Variants in PTPRM observed in about 807,000 individuals in gnomAD.
PTPRM encodes protein tyrosine phosphatase receptor type M, also known as receptor-type tyrosine-protein phosphatase mu.
Under a neutral mutation model 186.7 loss-of-function variants are expected in PTPRM, and 47 were observed. The observed-to-expected ratio is 0.25, with a 90% CI of 0.20 to 0.32. The LOEUF is 0.32. Ranked by LOEUF, PTPRM falls within the 10% of genes least tolerant of loss-of-function variation. PTPRM has a pLI of 1.00. For synonymous variants in PTPRM, 668 were observed against 674.9 expected (o/e 0.99, Z 0.16); for missense variants, 1,494 against 1,865.0 (o/e 0.80, Z 3.66).
At chr18:8,105,566 A>G (rs1366899428) in intron 11 of PTPRM, among the ~76,000 whole-genome samples, 1 of 152,218 alleles carries the variant, frequency 6.6e-6, no homozygotes, top group African/African-American at 2.4e-5. Context: ...GCTTTTGTGC[A>G]TGAAAATATG....
At chr18:8,379,378 G>C in intron 28 of PTPRM, 38 bp downstream of exon 28, 2 of 1,549,792 alleles carry the variant, frequency 1.3e-6, no homozygotes, top group Non-Finnish European at 8.7e-7. Context: ...CGAGGCTGGG[G>C]TGTTTGGGGA....
chr18:8,401,879 G>C lies in PTPRM; in HGVS notation c.4345-4230G>C, dbSNP rs541330272. Among the ~76,000 whole-genome samples, 24 of 152,358 alleles carry C rather than the reference G, an allele frequency of 1.6e-4. No individual in the cohort carries two copies. In the South Asian group the frequency reaches 5.0e-3, roughly 32 times the overall value. ...TGATCGGGAGCGGGGCCAGCGTCAG[G>C]GACCTTGGTGAGGAATAGCAGCAGG... On this transcript the variant is annotated intron_variant, in intron 32 of 32. Transcript: ENST00000580170.
intron 2 of PTPRM, among the ~76,000 whole-genome samples, chr18:7,882,887 A>T (rs2048580089): frequency 2.0e-5 from 3 of 152,236 alleles, no homozygotes; most frequent in South Asian, 2.1e-4. Flanking sequence ...ACAAACAATG[A>T]TGGAAGATAG....
intron 30 of PTPRM, among the ~76,000 whole-genome samples, chr18:8,385,277 C>A (rs2095764680): frequency 6.6e-6 from 1 of 152,042 alleles, no homozygotes; most frequent in Admixed American, 6.6e-5. Flanking sequence ...TATTCAGGAG[C>A]CTGACGAAAG....
chr18:7,924,688 A>C (rs755490890), intron 4 of PTPRM, among the ~76,000 whole-genome samples: 33 of 152,208 alleles, frequency 2.2e-4, no homozygotes, highest in African/African-American at 4.6e-4. Flanking sequence ...AGGCAATAAC[A>C]TCAAGTTCTG....
chr18:7,726,729 C>A (rs1329681309), intron 1 of PTPRM, among the ~76,000 whole-genome samples: 1 of 152,172 alleles, frequency 6.6e-6, no homozygotes, highest in East Asian at 1.9e-4. Flanking sequence ...CCAAACTGGA[C>A]TGTAATGTGA....
intron 24 of PTPRM, among the ~76,000 whole-genome samples, chr18:8,375,195 C>G (rs1051766777): frequency 6.6e-6 from 1 of 152,216 alleles, no homozygotes; most frequent in Middle Eastern, 3.2e-3. Flanking sequence ...CTCTTTCTTT[C>G]TGCCTTCACT....
chr18:7,616,290 A>G (rs762862597), intron 1 of PTPRM, among the ~76,000 whole-genome samples: 1 of 151,956 alleles, frequency 6.6e-6, no homozygotes, highest in Non-Finnish European at 1.5e-5. Context: ...TCCTGAGTAC[A>G]TGGACTACAG....
At chr18:8,295,195 C>T (rs546004910) in intron 19 of PTPRM, among the ~76,000 whole-genome samples, 39 of 152,246 alleles carry the variant, frequency 2.6e-4, no homozygotes, top group African/African-American at 8.7e-4. Flanking sequence ...ACAGACATCT[C>T]GTGGCGTCTG....
intron 1 of PTPRM, among the ~76,000 whole-genome samples, chr18:7,756,465 G>A (rs2041496856): frequency 6.6e-6 from 1 of 152,110 alleles, no homozygotes; most frequent in South Asian, 2.1e-4. Flanking sequence ...CATGCCTTTT[G>A]TTAATTAATT....
chr18:8,379,136 T>C (rs1481001241), intron 27 of PTPRM, 31 bp from the exon 28 acceptor site: 1 of 1,542,560 alleles, frequency 6.5e-7, no homozygotes, highest in East Asian at 2.4e-5. Context: ...CAAGGCTTCT[T>C]GTCCTCATGT....
chr18:7,820,481 T>C (rs1391527319), intron 2 of PTPRM, among the ~76,000 whole-genome samples: 2 of 152,192 alleles, frequency 1.3e-5, no homozygotes, highest in Non-Finnish European at 2.9e-5. Context: ...TTACTTTTAT[T>C]TTTTGTGTGA....
intron 1 of PTPRM, among the ~76,000 whole-genome samples, chr18:7,592,577 G>T (rs1041725769): frequency 6.6e-6 from 1 of 152,206 alleles, no homozygotes; most frequent in Non-Finnish European, 1.5e-5. Context: ...GTACAGAGCT[G>T]CCTGGTGCTA....
intron 14 of PTPRM, among the ~76,000 whole-genome samples, chr18:8,145,867 C>G (rs1374148049): frequency 1.3e-5 from 2 of 152,176 alleles, no homozygotes; most frequent in Non-Finnish European, 2.9e-5. Context: ...ATTGTTGGAT[C>G]AAATGGTATT....
At chr18:8,091,584 AAG>A (rs1379990954) in intron 11 of PTPRM, among the ~76,000 whole-genome samples, 1 of 144,628 alleles carries the variant, frequency 6.9e-6, no homozygotes, top group Non-Finnish European at 1.5e-5. Context: ...ACCTGTCGAA[AAG>A]ATTTTTTTTT....
intron 1 of PTPRM, among the ~76,000 whole-genome samples, chr18:7,764,728 C>T (rs1177425096): frequency 6.6e-6 from 1 of 152,178 alleles, no homozygotes; most frequent in Non-Finnish European, 1.5e-5. Context: ...AAAATCACTG[C>T]TCTAGTTTGG....
chr18:8,023,183 G>A (rs1307173867), intron 7 of PTPRM, among the ~76,000 whole-genome samples: 1 of 152,064 alleles, frequency 6.6e-6, no homozygotes, highest in South Asian at 2.1e-4. Flanking sequence ...GGCTACCCCA[G>A]CTAGGAAGGA....
At chr18:8,251,135 T>C (rs2094524695) in intron 17 of PTPRM, among the ~76,000 whole-genome samples, 1 of 152,264 alleles carries the variant, frequency 6.6e-6, no homozygotes, top group African/African-American at 2.4e-5. Flanking sequence ...ACAGTGACAG[T>C]TGATGTAGCT....
chr18:8,043,560 A>AT (rs929415449), intron 7 of PTPRM, among the ~76,000 whole-genome samples: 46 of 148,206 alleles, frequency 3.1e-4, no homozygotes, highest in South Asian at 1.7e-3. Flanking sequence ...CTAGTTAGGT[A>AT]TTTTTTTTTT....
Sources: gnomAD v4.1 joint callset for allele counts (sites outside exome capture counted in the v4.1 genomes callset) on GRCh38, gnomAD v4.1.1 for gene constraint, MANE v1.5 for transcripts, NCBI Gene and HGNC (gene_info 2026-07-23, HGNC 2026-07-21) for gene names.